The following NWD2 variants were observed in gnomAD, a reference collection of about 807,000 sequenced individuals.
NWD2 encodes NACHT and WD repeat domain-containing protein 2.
In NWD2, 37 loss-of-function variants were observed where a neutral mutation model predicts 132.7. The observed-to-expected ratio is 0.28, with a 90% CI of 0.21 to 0.37. The LOEUF is 0.37. Among genes scored for constraint, NWD2 ranks in the 10% least tolerant of loss-of-function variants. The pLI is 1.00. For synonymous variants in NWD2, 705 were observed against 803.0 expected (o/e 0.88, Z 2.06); for missense variants, 1,592 against 2,122.4 (o/e 0.75, Z 4.91).
chr4:37,283,049 T>A (rs1329869369), intron 1 of NWD2, among the ~76,000 whole-genome samples: 1 of 152,166 alleles, frequency 6.6e-6, no homozygotes, highest in Non-Finnish European at 1.5e-5. Context: ...ACTCACACCC[T>A]GTCCCATCTG....
At chr4:37,245,958 G>C (rs767402125) in intron 1 of NWD2, among the ~76,000 whole-genome samples, 2 of 152,202 alleles carry the variant, frequency 1.3e-5, no homozygotes, top group Non-Finnish European at 2.9e-5. Context: ...GAGGTTGAAC[G>C]CTGGGCGGTC....
intron 2 of NWD2, among the ~76,000 whole-genome samples, chr4:37,332,818 A>G (rs1233052237): frequency 4.6e-5 from 7 of 152,158 alleles, no homozygotes; most frequent in Admixed American, 1.3e-4. Flanking sequence ...TGGCTCTCAG[A>G]TGGTATTTCT....
At chr4:37,379,668 T>A (rs1475286323) in intron 3 of NWD2, among the ~76,000 whole-genome samples, 1 of 152,156 alleles carries the variant, frequency 6.6e-6, no homozygotes, top group Non-Finnish European at 1.5e-5. Flanking sequence ...ACCCGAGGCC[T>A]CCTGACTGCA....
chr4:37,443,868 A>G lies in NWD2; in HGVS notation c.1880A>G (p.Lys627Arg), dbSNP rs750624693. Residue 627 changes from lysine to arginine, a missense_variant, in exon 7 of 7, where the codon AAA becomes AGA. Around this residue, in one of 7 missense-constraint regions of NWD2, gnomAD observed 1,071 missense variants for 1,398.0 expected, o/e 0.77. Coordinates refer to ENST00000309447, the MANE Select transcript of NWD2 (RefSeq NM_001144990.2). The surrounding 1 kb of genome is among the most constrained non-coding windows in gnomAD (Gnocchi z 4.1). ...GAGGTGAGGCACTGGAGATCTCACA[A>G]AGACGTCGATGAATCCTCCCTCTCT... is the stretch of plus-strand genomic sequence containing the variant. ...FREVRHWRSH[K>R]DVDESSLSVT... The G allele has an allele frequency of 3.6e-5, 56 of 1,552,186 alleles. No individual in the cohort carries two copies. In the East Asian group the frequency reaches 8.3e-4, roughly 23 times the overall value.
At chr4:37,301,432 C>T (rs1718609954) in intron 1 of NWD2, among the ~76,000 whole-genome samples, 1 of 151,900 alleles carries the variant, frequency 6.6e-6, no homozygotes, top group Admixed American at 6.6e-5. Flanking sequence ...CTCTTTTGTC[C>T]ATTTTTTTTC....
intron 2 of NWD2, among the ~76,000 whole-genome samples, chr4:37,353,882 C>A (rs1719819488): frequency 6.6e-6 from 1 of 152,088 alleles, no homozygotes; most frequent in East Asian, 1.9e-4. Flanking sequence ...CAGTTTTGTT[C>A]CCTTGCTGGC....
rs920961099 is a variant in NWD2 at position 37,285,401 on chromosome 4, G to A, written c.151+40183G>A. Among the ~76,000 whole-genome samples, 8 of 151,922 alleles carry A rather than the reference G, an allele frequency of 5.3e-5. No individual in the cohort carries two copies. The East Asian group carries it at 9.6e-4, about 18-fold the overall frequency. ...AATAATTATTCTGAAATTTTCTCCC[G>A]TATATTAAAGTTGGCTGATCTCTAA... is the stretch of plus-strand genomic sequence containing the variant. On this transcript the variant is annotated intron_variant, in intron 1 of 6. Coordinates refer to ENST00000309447, the MANE Select transcript of NWD2 (RefSeq NM_001144990.2).
At chr4:37,364,269 ATAGCATCTCAC>A (rs1342674658) in intron 3 of NWD2, among the ~76,000 whole-genome samples, 3 of 152,228 alleles carry the variant, frequency 2.0e-5, no homozygotes, top group Non-Finnish European at 4.4e-5. Flanking sequence ...GAGGATGCTC[ATAGCATCTCAC>A]TACAGTTCCT....
intron 1 of NWD2, among the ~76,000 whole-genome samples, chr4:37,251,506 G>T: frequency 6.6e-6 from 1 of 152,194 alleles, no homozygotes; most frequent in Non-Finnish European, 1.5e-5. Context: ...TATTGTCAAA[G>T]CTGCCACCCA....
chr4:37,280,588 A>G (rs192338059), intron 1 of NWD2, among the ~76,000 whole-genome samples: 3 of 152,276 alleles, frequency 2.0e-5, no homozygotes, highest in Admixed American at 6.5e-5. Flanking sequence ...TTGAAACAAC[A>G]TTATTTAAGG....
chr4:37,286,329 C>T (rs563962930), intron 1 of NWD2, among the ~76,000 whole-genome samples: 2 of 152,264 alleles, frequency 1.3e-5, no homozygotes, highest in African/African-American at 4.8e-5. Flanking sequence ...TACACTTGTG[C>T]TTATTGGGTC....
chr4:37,403,929 G>C, intron 3 of NWD2, among the ~76,000 whole-genome samples: 2 of 152,272 alleles, frequency 1.3e-5, no homozygotes, highest in East Asian at 3.9e-4. Context: ...ACAAACTTTA[G>C]TACTTCCTTT....
chr4:37,357,185 A>G (rs1490838883), intron 3 of NWD2, among the ~76,000 whole-genome samples: 5 of 146,764 alleles, frequency 3.4e-5, no homozygotes, highest in Non-Finnish European at 6.1e-5. Context: ...GAATTCAAAC[A>G]GATCCTACCA....
chr4:37,385,103 G>C (rs891360955), intron 3 of NWD2, among the ~76,000 whole-genome samples: 3 of 152,228 alleles, frequency 2.0e-5, no homozygotes, highest in African/African-American at 7.2e-5. Context: ...GCTTCATGGA[G>C]TGATGTAGAC....
intron 1 of NWD2, among the ~76,000 whole-genome samples, chr4:37,253,604 A>T (rs535082121): frequency 6.6e-6 from 1 of 152,322 alleles, no homozygotes; most frequent in African/African-American, 2.4e-5. Flanking sequence ...TATAAAGAAG[A>T]CAATGAGGTA....
At chr4:37,397,233 G>GT (rs139484889) in intron 3 of NWD2, among the ~76,000 whole-genome samples, 73 of 152,190 alleles carry the variant, frequency 4.8e-4, no homozygotes, top group African/African-American at 1.8e-3. Flanking sequence ...CTTCCTTCAG[G>GT]TTTTAATGAA....
intron 2 of NWD2, among the ~76,000 whole-genome samples, chr4:37,337,129 A>G (rs1186010561): frequency 6.6e-6 from 1 of 152,188 alleles, no homozygotes; most frequent in East Asian, 1.9e-4. Flanking sequence ...ACATGAGGCA[A>G]CAGACTAAAA....
intron 3 of NWD2, among the ~76,000 whole-genome samples, chr4:37,394,130 T>C (rs1208282509): frequency 6.6e-6 from 1 of 152,218 alleles, no homozygotes; most frequent in East Asian, 1.9e-4. Context: ...TCTCACCTCA[T>C]TGTTATCTAT....
intron 1 of NWD2, among the ~76,000 whole-genome samples, chr4:37,307,989 C>T (rs944486273): frequency 3.9e-5 from 6 of 152,010 alleles, no homozygotes; most frequent in African/African-American, 1.4e-4. Context: ...ATTTCTCATT[C>T]AGATTATGAA....
Sources: gnomAD v4.1 joint callset for allele counts (sites outside exome capture counted in the v4.1 genomes callset) on GRCh38, gnomAD v4.1.1 for gene constraint, gnomAD v4.1.1 regional missense constraint, Gnocchi (gnomAD v3.1) non-coding constraint, MANE v1.5 for transcripts, NCBI Gene and HGNC (gene_info 2026-07-23, HGNC 2026-07-21) for gene names.